TAOK3: variants seen among roughly 807,000 people sequenced by gnomAD.
The protein encoded by TAOK3 is TAO kinase 3, also known as serine/threonine-protein kinase TAO3.
A neutral mutation model predicts 120.4 loss-of-function variants in TAOK3; 40 were observed. That is an observed-to-expected ratio of 0.33 (90% CI 0.26 to 0.43). The LOEUF (loss-of-function observed/expected upper bound fraction) is 0.43. Among genes scored for constraint, TAOK3 ranks in the 20% least tolerant of loss-of-function variants. TAOK3 has a pLI of 1.00. For synonymous variants in TAOK3, 355 were observed against 387.5 expected (o/e 0.92, Z 0.99); for missense variants, 821 against 1,112.1 (o/e 0.74, Z 3.72).
At position 118,324,509 on chromosome 12, in the gene TAOK3, T is replaced by C. The variant is rs558603536; in HGVS notation, c.-194+48139A>G. On this transcript the variant is annotated intron_variant, in intron 1 of 20. Coordinates refer to ENST00000392533, the MANE Select transcript of TAOK3 (RefSeq NM_016281.4). ...CATGTAACTATACTTTTGTACCTAT[T>C]AACCAACCATGCCTTCTTCCTCCTT... Among the ~76,000 whole-genome samples, 18 of 152,212 alleles carry C rather than the reference T, an allele frequency of 1.2e-4. No homozygotes were observed. In the South Asian group the frequency reaches 3.1e-3, roughly 26 times the overall value.
At chr12:118,256,307 C>T (rs1226942603) in intron 2 of TAOK3, among the ~76,000 whole-genome samples, 1 of 152,172 alleles carries the variant, frequency 6.6e-6, no homozygotes, top group Non-Finnish European at 1.5e-5. Context: ...CCCTCCAACA[C>T]TGCTGGTAGC....
At chr12:118,364,812 G>C (rs1268813357) in intron 1 of TAOK3, among the ~76,000 whole-genome samples, 1 of 152,176 alleles carries the variant, frequency 6.6e-6, no homozygotes, top group African/African-American at 2.4e-5. Flanking sequence ...GGCTGAGGCA[G>C]GAGAATTGCT....
chr12:118,273,380 T>A (rs1389820735), intron 1 of TAOK3, among the ~76,000 whole-genome samples: 5 of 152,118 alleles, frequency 3.3e-5, no homozygotes, highest in African/African-American at 1.2e-4. Context: ...TACACGCCTG[T>A]AGTTCCAGCT....
intron 2 of TAOK3, among the ~76,000 whole-genome samples, chr12:118,265,128 C>T (rs535367161): frequency 4.6e-5 from 7 of 151,626 alleles, no homozygotes; most frequent in African/African-American, 1.7e-4. Flanking sequence ...TGGTGGCTCA[C>T]ATCTGAAATC....
chr12:118,261,155 C>T (rs1266123845), intron 2 of TAOK3, among the ~76,000 whole-genome samples: 2 of 152,122 alleles, frequency 1.3e-5, no homozygotes, highest in Admixed American at 1.3e-4. Context: ...AAAACCAAAC[C>T]CACGACCCAG....
chr12:118,369,442 T>G (rs556380630), intron 1 of TAOK3, among the ~76,000 whole-genome samples: 1 of 152,304 alleles, frequency 6.6e-6, no homozygotes, highest in African/African-American at 2.4e-5. Context: ...AATGACTGCT[T>G]TAGTAATCAC....
intron 15 of TAOK3, among the ~76,000 whole-genome samples, chr12:118,179,844 C>T (rs932250452): frequency 2.7e-5 from 4 of 150,924 alleles, no homozygotes; most frequent in African/African-American, 9.8e-5. Flanking sequence ...TACGGTTTCA[C>T]CATGTTGGCC....
intron 2 of TAOK3, 113 bp from the exon 3 acceptor site, chr12:118,255,768 G>A (rs2040954724): frequency 3.8e-6 from 2 of 519,640 alleles, no homozygotes; most frequent in South Asian, 3.6e-5. Context: ...AATAACAAAA[G>A]GACAAAAAAA....
At chr12:118,280,817 TC>T (rs1451716474) in intron 1 of TAOK3, among the ~76,000 whole-genome samples, 1 of 152,230 alleles carries the variant, frequency 6.6e-6, no homozygotes, top group Non-Finnish European at 1.5e-5. Context: ...TATTAAGTCT[TC>T]CTATCCATGA....
At chr12:118,356,400 A>G (rs937275085) in intron 1 of TAOK3, among the ~76,000 whole-genome samples, 3 of 150,322 alleles carry the variant, frequency 2.0e-5, no homozygotes, top group Non-Finnish European at 2.9e-5. Context: ...CCCAGGTTCA[A>G]GTGATTCTCA....
chr12:118,289,387 A>T (rs1393095654), intron 1 of TAOK3, among the ~76,000 whole-genome samples: 3 of 152,006 alleles, frequency 2.0e-5, no homozygotes, highest in Non-Finnish European at 2.9e-5. Flanking sequence ...TTTCCTTCCA[A>T]AAATACATCC....
At chr12:118,365,867 T>C (rs920975466) in intron 1 of TAOK3, among the ~76,000 whole-genome samples, 3 of 152,222 alleles carry the variant, frequency 2.0e-5, no homozygotes, top group African/African-American at 7.2e-5. Flanking sequence ...CTATTAAATC[T>C]TGACCTAGGT....
At chr12:118,331,536 T>C (rs902982511) in intron 1 of TAOK3, among the ~76,000 whole-genome samples, 1 of 150,906 alleles carries the variant, frequency 6.6e-6, no homozygotes, top group Non-Finnish European at 1.5e-5. Context: ...TCCCAGCTAC[T>C]TGGGGGGCTG....
At chr12:118,358,324 A>G (rs1253450950) in intron 1 of TAOK3, among the ~76,000 whole-genome samples, 1 of 152,232 alleles carries the variant, frequency 6.6e-6, no homozygotes, top group African/African-American at 2.4e-5. Flanking sequence ...AAAAAGTTAC[A>G]AAACAAAATA....
intron 1 of TAOK3, chr12:118,297,035 T>TATC (rs2042708267): frequency 6.6e-6 from 1 of 152,206 alleles, no homozygotes; most frequent in East Asian, 1.9e-4. Flanking sequence ...TTTATATATT[T>TATC]ATCTTATCTC....
intron 19 of TAOK3, among the ~76,000 whole-genome samples, chr12:118,159,398 C>T (rs1305513102): frequency 2.0e-5 from 3 of 151,816 alleles, no homozygotes; most frequent in Non-Finnish European, 4.4e-5. Flanking sequence ...GCAACCTCCA[C>T]CTCCCGGGTT....
At chr12:118,278,387 A>G (rs1325081173) in intron 1 of TAOK3, among the ~76,000 whole-genome samples, 1 of 152,190 alleles carries the variant, frequency 6.6e-6, no homozygotes, top group African/African-American at 2.4e-5. Flanking sequence ...AAGTGAGAAC[A>G]TGCAGTATTT....
intron 13 of TAOK3, among the ~76,000 whole-genome samples, chr12:118,195,782 G>A (rs1340705418): frequency 2.0e-5 from 3 of 152,180 alleles, no homozygotes; most frequent in East Asian, 1.9e-4. Flanking sequence ...CAGTCGCAGT[G>A]CCTCATGCCT....
intron 1 of TAOK3, among the ~76,000 whole-genome samples, chr12:118,321,811 T>A (rs1168423140): frequency 1.3e-5 from 2 of 152,152 alleles, no homozygotes; most frequent in African/African-American, 4.8e-5. Context: ...GCTATTTTTG[T>A]GAGTATATTT....
Sources: gnomAD v4.1 joint callset for allele counts (sites outside exome capture counted in the v4.1 genomes callset) on GRCh38, gnomAD v4.1.1 for gene constraint, MANE v1.5 for transcripts, NCBI Gene and HGNC (gene_info 2026-07-23, HGNC 2026-07-21) for gene names.